APC: variants seen among roughly 807,000 people sequenced by gnomAD.
APC encodes the protein adenomatous polyposis coli protein.
A neutral mutation model predicts 247.0 loss-of-function variants in APC; 72 were observed. That is an observed-to-expected ratio of 0.29 (90% confidence interval 0.24 to 0.35). The LOEUF is 0.35. APC is among the 10% of genes least tolerant of loss of function. The pLI, the probability that APC is intolerant of heterozygous loss-of-function variation, is 1.00. For synonymous variants in APC, 1,254 were observed against 1,162.5 expected, an observed-to-expected ratio of 1.08 and a Z score of -1.60; for missense variants, 3,400 against 3,360.7, an observed-to-expected ratio of 1.01 and a Z score of -0.29.
chr5:112,782,990 A>C (rs1365108899), intron 6 of APC, among the ~76,000 whole-genome samples: 2 of 152,178 alleles, frequency 1.3e-5, no homozygotes, highest in African/African-American at 4.8e-5. Flanking sequence ...TATTTGTTTC[A>C]AAAAAACAAG....
rs1750618752 is a variant in APC, at chr5:112,707,886, A to G, written c.165+4A>G. On this transcript the variant is annotated splice_donor_region_variant and intron_variant, in intron 1 of 13. Transcript: ENST00000507379. Reference sequence around the variant, plus strand: ...CCACTGGGCGAGCGTCTGGCAGGTGAGTGAGGCTGCAGGCATTGACGTCTC... The same window carrying G: ...CCACTGGGCGAGCGTCTGGCAGGTGGGTGAGGCTGCAGGCATTGACGTCTC... 1.0e-5 allele frequency: 14 copies of G among 1,367,400 alleles called. No homozygotes were observed. Among genetic ancestry groups the G allele is most frequent in the Non-Finnish European group, 1.3e-5 (13 of 1,037,288 alleles). 84.7% of individuals were successfully genotyped at this position (1,367,400 alleles called of 1,614,324 possible). A position where few individuals can be genotyped will look rare whatever the true frequency, so the allele number is the denominator to read the frequency against.
intron 1 of APC, among the ~76,000 whole-genome samples, chr5:112,722,118 G>A (rs78611460): frequency 0.032 from 4,853 of 152,216 alleles, 103 homozygotes; most frequent in Non-Finnish European, 0.049. Context: ...AAGATAAATC[G>A]GTGAAGATGA....
chr5:112,713,940 T>C (rs1021601861), intron 1 of APC, among the ~76,000 whole-genome samples: 1 of 152,180 alleles, frequency 6.6e-6, no homozygotes, highest in East Asian at 1.9e-4. Flanking sequence ...TTATAGGCGT[T>C]AGCCACCGTG....
intron 1 of APC, among the ~76,000 whole-genome samples, chr5:112,717,025 T>A (rs2149649082): frequency 6.6e-6 from 1 of 152,332 alleles, no homozygotes; most frequent in South Asian, 2.1e-4. Context: ...GTTGTTGTTG[T>A]TTTGAGACAG....
intron 1 of APC, among the ~76,000 whole-genome samples, chr5:112,710,512 A>G (rs1159487194): frequency 1.3e-5 from 2 of 151,748 alleles, no homozygotes; most frequent in African/African-American, 2.4e-5. Flanking sequence ...GAAACTGTCC[A>G]TTTTCACTTC....
chr5:112,711,460 A>C (rs1326191138), intron 1 of APC, among the ~76,000 whole-genome samples: 3 of 152,220 alleles, frequency 2.0e-5, no homozygotes, highest in African/African-American at 7.2e-5. Flanking sequence ...AAAACGATCT[A>C]GATTTCTTGG....
At chr5:112,716,047 C>T (rs1317432349) in intron 1 of APC, among the ~76,000 whole-genome samples, 1 of 151,982 alleles carries the variant, frequency 6.6e-6, no homozygotes, top group Non-Finnish European at 1.5e-5. Context: ...AGTAGTCTTT[C>T]CAGAGAACCG....
intron 4 of APC, among the ~76,000 whole-genome samples, chr5:112,772,201 A>G (rs1350740636): frequency 6.6e-6 from 1 of 152,200 alleles, no homozygotes; most frequent in Non-Finnish European, 1.5e-5. Flanking sequence ...TTTAAAGAAG[A>G]CCATTGGCAA....
intron 1 of APC, among the ~76,000 whole-genome samples, chr5:112,715,943 G>T (rs114404738): frequency 6.6e-6 from 1 of 151,880 alleles, no homozygotes; most frequent in Non-Finnish European, 1.5e-5. Context: ...ATATTCTGTG[G>T]TCCTTTTAAT....
At chr5:112,721,528 G>C (rs754095033) in intron 1 of APC, among the ~76,000 whole-genome samples, 3 of 152,188 alleles carry the variant, frequency 2.0e-5, no homozygotes, top group Non-Finnish European at 4.4e-5. Context: ...GTGGATCATG[G>C]AAGTTGGTAT....
intron 15 of APC, among the ~76,000 whole-genome samples, chr5:112,836,485 G>A (rs561286883): frequency 6.6e-6 from 1 of 152,196 alleles, no homozygotes; most frequent in South Asian, 2.1e-4. Context: ...AGCTCATTAT[G>A]TACCCTTGCC....
chr5:112,842,068 C>A lies in APC; in HGVS notation c.6474C>A (p.Pro2158=), dbSNP rs772027192. The change falls in exon 16 of 16, where the codon CCC becomes CCA. Residue 2158 remains proline (P), a synonymous_variant. Transcript: ENST00000257430. ...TTACACCTGATCAAGAAGAAAAACC[C>A]TTTACAAGTAATAAAGGCCCACGAA... ...FHLTPDQEEK[P]FTSNKGPRIL... The A allele has an allele frequency of 3.1e-6, 5 of 1,612,310 alleles. No homozygotes were observed. Among genetic ancestry groups the A allele is most frequent in the Admixed American group, 1.7e-5 (1 of 59,976 alleles).
chr5:112,726,518 G>T (rs1455541446), intron 1 of APC, among the ~76,000 whole-genome samples: 1 of 152,128 alleles, frequency 6.6e-6, no homozygotes, highest in Admixed American at 6.5e-5. Flanking sequence ...TCCTTGTGGA[G>T]CAGGGGGTTT....
At position 112,845,051 on chromosome 5, in the gene APC, CTT is replaced by C. The variant is rs555618339; in HGVS notation, c.*928_*929del. On this transcript the variant is annotated 3_prime_UTR_variant, in exon 16 of 16. Coordinates refer to ENST00000257430, the MANE Select transcript of APC (RefSeq NM_000038.6). ...GTATTAATAATTGTTTAAAATGCCTCTTTTAAAAGCTTATATAAATTTTTTTC... is the reference window on the plus strand; with the variant it reads ...GTATTAATAATTGTTTAAAATGCCTCTTAAAAGCTTATATAAATTTTTTTC... The C allele has an allele frequency of 2.4e-3, 548 of 232,280 alleles. 4 individuals carry two copies. Among genetic ancestry groups the C allele is most frequent in the African/African-American group, 0.011 (518 of 45,386 alleles). The allele number at this position is 232,280 out of a possible 1,614,324, so 14.4% of individuals were successfully genotyped here.
intron 14 of APC, 58 bp from the exon 15 acceptor site, chr5:112,834,893 G>C: frequency 1.4e-6 from 2 of 1,457,166 alleles, no homozygotes; most frequent in Non-Finnish European, 1.9e-6. Flanking sequence ...TAACATAGAA[G>C]TTAATGAGAG....
At chr5:112,771,296 A>G (rs1330301219) in intron 4 of APC, among the ~76,000 whole-genome samples, 3 of 151,986 alleles carry the variant, frequency 2.0e-5, no homozygotes, top group South Asian at 2.1e-4. Flanking sequence ...TAATATGAGG[A>G]TCTAGTTTCA....
At chr5:112,750,730 C>G (rs558543651) in intron 1 of APC, among the ~76,000 whole-genome samples, 2 of 152,068 alleles carry the variant, frequency 1.3e-5, no homozygotes, top group South Asian at 4.2e-4. Context: ...TGTCTTACAC[C>G]CATTAAACAA....
chr5:112,775,653 C>A lies in APC; in HGVS notation c.447C>A (p.Asp149Glu), dbSNP rs750821213. ...KERSLLLADL[D>E]KEEKEKDWYY... The stretch of plus-strand genomic sequence containing the variant: ...GGTCATTGCTTCTTGCTGATCTTGA[C>A]AAAGAAGAAAAGGAAAAAGACTGGT... The change falls in exon 5 of 16, where the codon GAC becomes GAA. Residue 149 changes from aspartate to glutamate, a missense_variant. Coordinates refer to ENST00000257430, the MANE Select transcript of APC (RefSeq NM_000038.6). The A allele has an allele frequency of 1.9e-6, 3 of 1,603,214 alleles. No homozygotes were observed. In the Admixed American group the frequency reaches 5.1e-5, roughly 27 times the overall value.
At chr5:112,797,045 G>T (rs1041916368) in intron 7 of APC, among the ~76,000 whole-genome samples, 2 of 151,964 alleles carry the variant, frequency 1.3e-5, no homozygotes, top group Non-Finnish European at 2.9e-5. Context: ...ACTGTTACAA[G>T]TTTCAGGTTG....
Sources: allele counts gnomAD v4.1 joint callset (sites outside exome capture counted in the v4.1 genomes callset), GRCh38; gene constraint gnomAD v4.1.1; transcripts MANE v1.5; gene names NCBI Gene and HGNC (gene_info 2026-07-23, HGNC 2026-07-21).